KIF13A: variants seen among roughly 807,000 people sequenced by gnomAD.
KIF13A encodes the protein kinesin-like protein KIF13A.
A neutral mutation model predicts 212.2 loss-of-function variants in KIF13A; 79 were observed. The ratio of observed to expected loss-of-function variants is 0.37; its 90% CI spans 0.31 to 0.45. KIF13A has a LOEUF of 0.45. Ranked by LOEUF, KIF13A falls within the 20% of genes least tolerant of loss-of-function variation. The pLI is 1.00. For synonymous variants in KIF13A, 789 were observed against 808.6 expected (o/e 0.98, Z 0.41); for missense variants, 1,901 against 2,209.0 (o/e 0.86, Z 2.79).
In KIF13A at chr6:17,771,253, C is replaced by A; in HGVS notation, c.4477-35G>T. 1 of 1,405,572 alleles carries A rather than the reference C, an allele frequency of 7.1e-7. No individual in the cohort carries two copies. Among genetic ancestry groups the A allele is most frequent in the Non-Finnish European group, 1.0e-6 (1 of 998,644 alleles). The allele number at this position is 1,405,572 out of a possible 1,614,324, so 87.1% of individuals were successfully genotyped here. ...TTAAGACACACAGATGCATCACACA[C>A]AAAGACGACAACGGCCAAAATACAT... On this transcript the variant is annotated intron_variant, in intron 37 of 38. Coordinates refer to ENST00000259711, the MANE Select transcript of KIF13A (RefSeq NM_022113.6). The surrounding 1 kb of genome is among the most constrained non-coding windows in gnomAD (Gnocchi z 5.4).
Position 17,825,909 on chromosome 6 carries a change from G to A in KIF13A, c.1645C>T (p.Arg549Ter), listed in dbSNP as rs1489727131. 3.1e-6 allele frequency: 5 copies of A among 1,613,902 alleles called. No homozygotes were observed. The highest frequency in any genetic ancestry group is 4.2e-6 in the Non-Finnish European group (5 of 1,179,874). Residue 549 changes from arginine to a stop codon, truncating the protein, a stop_gained, in exon 16 of 39, where the codon CGA (arginine) becomes TGA (stop). Transcript: ENST00000259711. LOFTEE classifies it high-confidence loss of function. The surrounding 1 kb of genome is among the most constrained non-coding windows in gnomAD (Gnocchi z 4.5). The stretch of plus-strand genomic sequence containing the variant: ...TTTTCAAAGTCTTTCAACCAATCTC[G>A]ACGTTTCCTCTTAGGTAAGTTTATT... ...FRINLPKRKR[R>*]DWLKDFEKET...
rs368083437 is a variant in KIF13A at position 17,892,943 on chromosome 6, A to C, written c.159+5225T>G. ...AATTATGGAACCTGAGGAGGGGGAC[A>C]CGGGAACTCTTGATTTATAGCCGGT... On this transcript the variant is annotated intron_variant, in intron 3 of 38. Transcript: ENST00000259711. The surrounding 1 kb of genome is among the most constrained non-coding windows in gnomAD (Gnocchi z 4.7). 2.0e-5 allele frequency among the ~76,000 whole-genome samples: 3 copies of C among 152,334 alleles called. No individual in the cohort carries two copies. The highest frequency in any genetic ancestry group is 1.5e-5 in the Non-Finnish European group (1 of 68,032).
chr6:17,892,792 C>G lies in KIF13A; in HGVS notation c.159+5376G>C, dbSNP rs1312115697. ...GGAAGGGCAGTACACACAGAAAGGGCAGAGAGGCTTCATGCTGCCTTGCCC... is the reference window on the plus strand; with the variant it reads ...GGAAGGGCAGTACACACAGAAAGGGGAGAGAGGCTTCATGCTGCCTTGCCC... On this transcript the variant is annotated intron_variant, in intron 3 of 38. Coordinates refer to ENST00000259711, the MANE Select transcript of KIF13A (RefSeq NM_022113.6). This position sits in a 1 kb window ranked among gnomAD's most constrained non-coding sequence, Gnocchi z 4.7. Among the ~76,000 whole-genome samples the G allele has an allele frequency of 1.3e-5, 2 of 152,202 alleles. No individual in the cohort carries two copies. Among genetic ancestry groups the G allele is most frequent in the East Asian group, 1.9e-4 (1 of 5,194 alleles).
chr6:17,894,399 T>C (rs1260725006), intron 3 of KIF13A, among the ~76,000 whole-genome samples: 4 of 152,200 alleles, frequency 2.6e-5, no homozygotes, highest in African/African-American at 4.8e-5. Flanking sequence ...ATCACAGGCG[T>C]GAGTCACTGC....
rs6904835 is a variant in KIF13A at position 17,809,964 on chromosome 6, T to C, written c.2001-1034A>G. The stretch of plus-strand genomic sequence containing the variant: ...ATTACCAGCTGGGGGCAGTGGCTCA[T>C]GGCTATAATCCCAACACTTTGGGAA... On this transcript the variant is annotated intron_variant, in intron 17 of 38. Transcript: ENST00000259711. This position sits in a 1 kb window ranked among gnomAD's most constrained non-coding sequence, Gnocchi z 4.7. 0.27 allele frequency among the ~76,000 whole-genome samples: 40,777 copies of C among 151,896 alleles called. 5,664 individuals are homozygous for C. The highest frequency in any genetic ancestry group is 0.38 in the South Asian group (1,812 of 4,810).
Position 17,872,458 on chromosome 6 carries a change from A to T in KIF13A, c.220+919T>A, listed in dbSNP as rs1203018779. On this transcript the variant is annotated intron_variant, in intron 4 of 38. Coordinates refer to ENST00000259711, the MANE Select transcript of KIF13A (RefSeq NM_022113.6). This position sits in a 1 kb window ranked among gnomAD's most constrained non-coding sequence, Gnocchi z 4.7. ...CGGTGACTATAGTTAATAACAACGT[A>T]CTGTATTCCTGAAAATTGCTAACTG... Among the ~76,000 whole-genome samples the T allele has an allele frequency of 6.6e-6, 1 of 152,210 alleles. No homozygotes were observed. The highest frequency in any genetic ancestry group is 1.5e-5 in the Non-Finnish European group (1 of 68,032).
chr6:17,775,389 T>A (rs1300947402), intron 34 of KIF13A, among the ~76,000 whole-genome samples: 3 of 152,222 alleles, frequency 2.0e-5, no homozygotes, highest in Admixed American at 6.5e-5. Flanking sequence ...TTTAGTATCA[T>A]TTAATTCTAA....
In KIF13A at chr6:17,773,730, G is replaced by A; in HGVS notation, c.4219-147C>T. The A allele has an allele frequency of 2.1e-6, 1 of 485,690 alleles. No individual in the cohort carries two copies. The highest frequency in any genetic ancestry group is 3.6e-6 in the Non-Finnish European group (1 of 274,232). 30.1% of individuals were successfully genotyped at this position (485,690 alleles called of 1,614,324 possible). On this transcript the variant is annotated intron_variant, in intron 35 of 38. Transcript: ENST00000259711. The surrounding 1 kb of genome is among the most constrained non-coding windows in gnomAD (Gnocchi z 4.2). ...TGATTTATTTCAAATATACAGAAAG[G>A]GCTGAATATCGTAAAAAATACTGTC...
At chr6:17,792,012 G>A (rs1397064102) in intron 25 of KIF13A, among the ~76,000 whole-genome samples, 1 of 151,700 alleles carries the variant, frequency 6.6e-6, no homozygotes, top group African/African-American at 2.4e-5. Flanking sequence ...GGCCAGCCTG[G>A]CCAACATGAT....
Position 17,828,117 on chromosome 6 carries a change from C to T in KIF13A, c.1532+123G>A. ...ACTCTCTACAATCAGAAAGCAAGGG[C>T]CCCCTGAGGACCCCCATGTATCCTT... On this transcript the variant is annotated intron_variant, in intron 14 of 38. Transcript: ENST00000259711. This position sits in a 1 kb window ranked among gnomAD's most constrained non-coding sequence, Gnocchi z 4.3. 1.1e-5 allele frequency: 9 copies of T among 843,008 alleles called. No individual in the cohort carries two copies. Among genetic ancestry groups the T allele is most frequent in the Admixed American group, 3.1e-5 (1 of 31,876 alleles). The allele number at this position is 843,008 out of a possible 1,614,324, so 52.2% of individuals were successfully genotyped here.
intron 3 of KIF13A, among the ~76,000 whole-genome samples, chr6:17,887,548 A>G (rs1438783945): frequency 6.6e-6 from 1 of 152,200 alleles, no homozygotes; most frequent in Non-Finnish European, 1.5e-5. Context: ...TACCAGATTA[A>G]GTCCAGACTC....
chr6:17,948,120 T>G (rs1777561328), intron 2 of KIF13A, among the ~76,000 whole-genome samples: 1 of 152,110 alleles, frequency 6.6e-6, no homozygotes, highest in South Asian at 2.1e-4. Flanking sequence ...TTTTTTCTAT[T>G]CTATTTTGTT....
At chr6:17,841,907 C>T (rs1393046927) in intron 9 of KIF13A, among the ~76,000 whole-genome samples, 2 of 151,348 alleles carry the variant, frequency 1.3e-5, no homozygotes, top group East Asian at 1.9e-4. Context: ...GTCTGAAAGG[C>T]GAATCACAGG....
Position 17,772,190 on chromosome 6 carries a change from G to T in KIF13A, c.4325-131C>A. ...AATTCATAGGCTAATATTTGGCTAA[G>T]CATTAAAACAGATGTATGCCCACCC... On this transcript the variant is annotated intron_variant, in intron 36 of 38. Transcript: ENST00000259711. The surrounding 1 kb of genome is among the most constrained non-coding windows in gnomAD (Gnocchi z 4.8). 2 of 850,504 alleles carry T rather than the reference G, an allele frequency of 2.4e-6. No homozygotes were observed. Among genetic ancestry groups the T allele is most frequent in the Non-Finnish European group, 3.7e-6 (2 of 547,864 alleles). The allele number at this position is 850,504 out of a possible 1,614,324, so 52.7% of individuals were successfully genotyped here.
chr6:17,958,596 T>C (rs755485772), intron 2 of KIF13A, among the ~76,000 whole-genome samples: 2 of 152,262 alleles, frequency 1.3e-5, no homozygotes, highest in Non-Finnish European at 2.9e-5. Flanking sequence ...AGACAATATG[T>C]ATTTGAACAG....
intron 12 of KIF13A, 50 bp downstream of exon 12, chr6:17,833,911 C>A (rs774656080): frequency 4.2e-5 from 35 of 824,412 alleles, no homozygotes; most frequent in African/African-American, 4.1e-4. Context: ...ACAGAAAAGA[C>A]AATAAGTGAA....
rs1156971532 is a variant in KIF13A, at chr6:17,888,143, G to A, written c.159+10025C>T. 6.6e-6 allele frequency among the ~76,000 whole-genome samples: 1 copy of A among 152,126 alleles called. No individual in the cohort carries two copies. Among genetic ancestry groups the A allele is most frequent in the Non-Finnish European group, 1.5e-5 (1 of 68,012 alleles). On this transcript the variant is annotated intron_variant, in intron 3 of 38. Coordinates refer to ENST00000259711, the MANE Select transcript of KIF13A (RefSeq NM_022113.6). This position sits in a 1 kb window ranked among gnomAD's most constrained non-coding sequence, Gnocchi z 4.8. ...GACACAAAGTACTGAAGTAGTGAAT[G>A]ATGATGTTACCATAATCTATTTTCC...
At chr6:17,792,027 C>A (rs549834756) in intron 25 of KIF13A, among the ~76,000 whole-genome samples, 40 of 151,258 alleles carry the variant, frequency 2.6e-4, no homozygotes, top group African/African-American at 9.7e-4. Flanking sequence ...CATGATGAAA[C>A]CCCTATCTCT....
chr6:17,844,928 G>A (rs1247971461), intron 9 of KIF13A, among the ~76,000 whole-genome samples: 1 of 152,074 alleles, frequency 6.6e-6, no homozygotes, highest in Non-Finnish European at 1.5e-5. Context: ...CCAGAATCAT[G>A]GAAAGTACTC....
Sources: gnomAD v4.1 joint callset for allele counts (sites outside exome capture counted in the v4.1 genomes callset) on GRCh38, gnomAD v4.1.1 for gene constraint, Gnocchi (gnomAD v3.1) non-coding constraint, MANE v1.5 for transcripts, NCBI Gene and HGNC (gene_info 2026-07-23, HGNC 2026-07-21) for gene names.